Variants in CREB5 observed in about 807,000 individuals in gnomAD.
CREB5 encodes cAMP responsive element binding protein 5.
Under a neutral mutation model 57.1 loss-of-function variants are expected in CREB5, and 19 were observed. The ratio of observed to expected loss-of-function variants is 0.33; its 90% CI spans 0.23 to 0.49. The LOEUF is 0.49. Ranked by LOEUF, CREB5 falls within the 20% of genes least tolerant of loss-of-function variation. The pLI is 0.99. For missense variants in CREB5, 579 were observed against 671.6 expected (o/e 0.86, Z 1.52); for synonymous variants, 238 against 238.3 (o/e 1.00, Z 0.01).
At chr7:28,478,242 A>G (rs1791162279) in intron 1 of CREB5, among the ~76,000 whole-genome samples, 1 of 152,104 alleles carries the variant, frequency 6.6e-6, no homozygotes, top group South Asian at 2.1e-4. Flanking sequence ...TTGCTTCCTT[A>G]TGAGATCAGT....
At chr7:28,372,203 G>A (rs1331673936) in intron 1 of CREB5, among the ~76,000 whole-genome samples, 3 of 152,168 alleles carry the variant, frequency 2.0e-5, no homozygotes, top group African/African-American at 7.2e-5. Context: ...GAGGGAGGCA[G>A]ATACATACAT....
intron 7 of CREB5, among the ~76,000 whole-genome samples, chr7:28,802,934 T>C (rs1167323903): frequency 6.6e-6 from 1 of 152,264 alleles, no homozygotes; most frequent in African/African-American, 2.4e-5. Context: ...CCTGAAGTTG[T>C]ATCAGAACAT....
At chr7:28,454,979 G>A (rs959332869) in intron 1 of CREB5, among the ~76,000 whole-genome samples, 2 of 152,184 alleles carry the variant, frequency 1.3e-5, no homozygotes, top group African/African-American at 4.8e-5. Context: ...CCCTGTAATT[G>A]TGCGGAGTGG....
chr7:28,692,397 G>A (rs1417640412), intron 5 of CREB5, among the ~76,000 whole-genome samples: 1 of 152,184 alleles, frequency 6.6e-6, no homozygotes, highest in Non-Finnish European at 1.5e-5. Context: ...GGGAGTTCAA[G>A]ACCAGCCTGG....
At chr7:28,685,961 G>T (rs1800874918) in intron 5 of CREB5, 1 of 568,794 alleles carries the variant, frequency 1.8e-6, no homozygotes, top group African/African-American at 1.9e-5. Context: ...AGAAGGGGGA[G>T]GAGGGCGAGA....
At chr7:28,342,821 T>G (rs189885756) in intron 1 of CREB5, among the ~76,000 whole-genome samples, 1 of 152,266 alleles carries the variant, frequency 6.6e-6, no homozygotes, top group Non-Finnish European at 1.5e-5. Context: ...TGTGATGTTT[T>G]GATAATGTAT....
intron 5 of CREB5, among the ~76,000 whole-genome samples, chr7:28,673,957 G>T (rs1800193667): frequency 6.6e-6 from 1 of 151,800 alleles, no homozygotes; most frequent in Non-Finnish European, 1.5e-5. Context: ...TACAGGTGTG[G>T]CTGCCATGTC....
Position 28,560,843 on chromosome 7 carries a change from TGCGC to T in CREB5, c.292-9520_292-9517del, listed in dbSNP as rs71842927. 6.8e-4 allele frequency among the ~76,000 whole-genome samples: 52 copies of T among 76,348 alleles called. 3 individuals are homozygous for T. Among genetic ancestry groups the T allele is most frequent in the East Asian group, 1.4e-3 (3 of 2,194 alleles). 50.1% of individuals were successfully genotyped at this position (76,348 alleles called of 152,430 possible). A position where few individuals can be genotyped will look rare whatever the true frequency, so the allele number is the denominator to read the frequency against. On this transcript the variant is annotated intron_variant, in intron 4 of 10. Coordinates refer to ENST00000357727, the MANE Select transcript of CREB5 (RefSeq NM_182898.4). ...GTGTGCGCGCGCGCGCGTGTGTGTG[TGCGC>T]GTGTGTGTGTGCGTGTGCCTGCGTG...
intron 7 of CREB5, among the ~76,000 whole-genome samples, chr7:28,781,908 A>G (rs1454928589): frequency 6.6e-6 from 1 of 151,152 alleles, no homozygotes; most frequent in African/African-American, 2.4e-5. Flanking sequence ...GCTGAATACA[A>G]ATATTCATTA....
intron 1 of CREB5, among the ~76,000 whole-genome samples, chr7:28,439,794 A>G (rs1231886481): frequency 6.6e-6 from 1 of 152,192 alleles, no homozygotes; most frequent in Non-Finnish European, 1.5e-5. Context: ...GTGCTTTCTA[A>G]GGCATCCTTG....
At chr7:28,560,825 C>CGTGCGTGTGCGT (rs1562797019) in intron 4 of CREB5, among the ~76,000 whole-genome samples, 1 of 37,566 alleles carries the variant, frequency 2.7e-5, no homozygotes, top group Non-Finnish European at 6.5e-5. Context: ...TGTGTGTGCG[C>CGTGCGTGTGCGT]GCGCGCGCGT....
At chr7:28,777,456 C>T (rs1806725736) in intron 7 of CREB5, among the ~76,000 whole-genome samples, 1 of 152,082 alleles carries the variant, frequency 6.6e-6, no homozygotes, top group Non-Finnish European at 1.5e-5. Flanking sequence ...TTAAATGGCT[C>T]TGATATATAA....
intron 7 of CREB5, among the ~76,000 whole-genome samples, chr7:28,793,822 C>T (rs754776098): frequency 1.4e-4 from 22 of 152,190 alleles, no homozygotes; most frequent in Admixed American, 8.5e-4. Context: ...GACTACTGTG[C>T]GTTGAAAAGG....
At chr7:28,514,310 T>C (rs199873915) in intron 4 of CREB5, among the ~76,000 whole-genome samples, 1 of 152,210 alleles carries the variant, frequency 6.6e-6, no homozygotes, top group East Asian at 1.9e-4. Flanking sequence ...TTCAGACGAA[T>C]GTCTCCTAGC....
At chr7:28,378,669 C>G (rs1229000272) in intron 1 of CREB5, among the ~76,000 whole-genome samples, 2 of 152,142 alleles carry the variant, frequency 1.3e-5, no homozygotes, top group African/African-American at 4.8e-5. Flanking sequence ...GTGTGTTCAT[C>G]CATCACTAAT....
intron 5 of CREB5, among the ~76,000 whole-genome samples, chr7:28,694,912 G>A (rs147288551): frequency 3.3e-5 from 5 of 152,128 alleles, no homozygotes; most frequent in African/African-American, 9.6e-5. Context: ...AACCCAACCC[G>A]TTCACCTTAC....
chr7:28,623,314 C>G (rs1797875465), intron 5 of CREB5, among the ~76,000 whole-genome samples: 1 of 152,252 alleles, frequency 6.6e-6, no homozygotes, highest in Non-Finnish European at 1.5e-5. Flanking sequence ...TCAAGCTAAT[C>G]TTCCTGTTAC....
At chr7:28,319,024 T>C (rs1349560611) in intron 1 of CREB5, among the ~76,000 whole-genome samples, 1 of 152,204 alleles carries the variant, frequency 6.6e-6, no homozygotes, top group Non-Finnish European at 1.5e-5. Flanking sequence ...ATGTTAAATG[T>C]ACTAAGTCAG....
intron 4 of CREB5, among the ~76,000 whole-genome samples, chr7:28,566,562 A>G (rs1348372504): frequency 6.6e-6 from 1 of 152,238 alleles, no homozygotes; most frequent in East Asian, 1.9e-4. Context: ...ATCTAGAGGT[A>G]AAACGCTATT....
Sources: gnomAD v4.1 joint callset for allele counts (sites outside exome capture counted in the v4.1 genomes callset) on GRCh38, gnomAD v4.1.1 for gene constraint, MANE v1.5 for transcripts, NCBI Gene and HGNC (gene_info 2026-07-23, HGNC 2026-07-21) for gene names.